PIK3CD: variants seen among roughly 807,000 people sequenced by gnomAD.
PIK3CD encodes the protein phosphatidylinositol-4,5-bisphosphate 3-kinase catalytic subunit delta.
Under a neutral mutation model 122.9 loss-of-function variants are expected in PIK3CD, and 20 were observed. That is an observed-to-expected ratio of 0.16 (90% confidence interval 0.11 to 0.24). The LOEUF is 0.24. Among genes scored for constraint, PIK3CD ranks in the 10% least tolerant of loss-of-function variants. The probability of loss-of-function intolerance (pLI) is 1.00; values close to 1 mark genes in which losing one functional copy is unlikely to be tolerated. For synonymous variants in PIK3CD, 596 were observed against 593.4 expected (o/e 1.00, Z -0.06); for missense variants, 787 against 1,406.3 (o/e 0.56, Z 7.04).
At chr1:9,646,129 C>T in the PIK3CD span, among the ~76,000 whole-genome samples, 1 of 152,026 alleles carries the variant, frequency 6.6e-6, no homozygotes, top group South Asian at 2.1e-4. Context: ...GTGAAAGTAG[C>T]AAGGATCTGG....
intron 23 of PIK3CD, 70 bp downstream of exon 23, chr1:9,725,006 G>C: frequency 1.3e-6 from 2 of 1,583,120 alleles, no homozygotes; most frequent in Non-Finnish European, 1.7e-6. Context: ...ATGTGACCTA[G>C]GAGGGCCCTG....
chr1:9,717,461 C>A lies in PIK3CD; in HGVS notation c.931-76C>A. 1 of 1,430,296 alleles carries A rather than the reference C, an allele frequency of 7.0e-7. No individual in the cohort carries two copies. Among genetic ancestry groups the A allele is most frequent in the South Asian group, 1.1e-5 (1 of 87,506 alleles). The allele number at this position is 1,430,296 out of a possible 1,614,324, so 88.6% of individuals were successfully genotyped here. Reference sequence around the variant, plus strand: ...ACCCTCTCACCCGCCCCCAAGTGGTCACGGGCCTCACCATAGGCCAGGGAG... The same window carrying A: ...ACCCTCTCACCCGCCCCCAAGTGGTAACGGGCCTCACCATAGGCCAGGGAG... On this transcript the variant is annotated intron_variant, in intron 7 of 23. Transcript: ENST00000377346. This position sits in a 1 kb window ranked among gnomAD's most constrained non-coding sequence, Gnocchi z 5.4.
At chr1:9,665,075 G>A (rs1645117551) in intron 1 of PIK3CD, among the ~76,000 whole-genome samples, 1 of 151,724 alleles carries the variant, frequency 6.6e-6, no homozygotes, top group Admixed American at 6.6e-5. Flanking sequence ...GTGGTGGTGT[G>A]CACCTGTGAT....
At chr1:9,690,971 G>A (rs979622431) in intron 1 of PIK3CD, among the ~76,000 whole-genome samples, 1 of 152,150 alleles carries the variant, frequency 6.6e-6, no homozygotes, top group Non-Finnish European at 1.5e-5. Flanking sequence ...GATGCAAGGA[G>A]TGGGCGGCCC....
chr1:9,716,390 A>T (rs770812482), intron 5 of PIK3CD, 50 bp from the exon 6 acceptor site: 1 of 1,589,576 alleles, frequency 6.3e-7, no homozygotes, highest in African/African-American at 1.3e-5. Flanking sequence ...TGTGCCCCAG[A>T]ACCCCGGGGG....
chr1:9,721,406 C>T (rs562247066), intron 14 of PIK3CD, 38 bp from the exon 15 acceptor site: 170 of 1,611,506 alleles, frequency 1.1e-4, no homozygotes, highest in Non-Finnish European at 1.3e-4. Context: ...TGTCCTGAGT[C>T]GGGGAGCTCC....
At chr1:9,703,006 C>A (rs1390828205) in intron 2 of PIK3CD, among the ~76,000 whole-genome samples, 1 of 152,158 alleles carries the variant, frequency 6.6e-6, no homozygotes, top group East Asian at 1.9e-4. Flanking sequence ...ATGGCTGGAT[C>A]CAGGGAATCA....
At chr1:9,699,247 G>A (rs907454612) in intron 2 of PIK3CD, among the ~76,000 whole-genome samples, 17 of 152,150 alleles carry the variant, frequency 1.1e-4, no homozygotes, top group African/African-American at 3.9e-4. Flanking sequence ...GCTGGGATGA[G>A]TTCGGGCATT....
At chr1:9,638,006 C>CA in the PIK3CD span, among the ~76,000 whole-genome samples, 4 of 152,020 alleles carry the variant, frequency 2.6e-5, no homozygotes, top group Admixed American at 2.6e-4. Flanking sequence ...ACTCGGGAGG[C>CA]AGAGGCAGGA....
At chr1:9,628,662 AGGTGGCCCAGAGTT>A in the PIK3CD span, among the ~76,000 whole-genome samples, 1 of 152,076 alleles carries the variant, frequency 6.6e-6, no homozygotes. Flanking sequence ...CCTCACACGG[AGGTGGCCCAGAGTT>A]GGTGGCCCTG....
At chr1:9,654,255 T>C in intron 1 of PIK3CD, 19 of 1,367,748 alleles carry the variant, frequency 1.4e-5, no homozygotes, top group Non-Finnish European at 1.9e-5. Flanking sequence ...CACGCAGATG[T>C]CCCCTTCTGG....
rs2100413428 is a variant in PIK3CD, at chr1:9,689,236, A to G, written c.-137-2231A>G. ...GTAAGGTGAAACCTAGGCCAGAGCC[A>G]GCGTGCGCGCGCCGTCGGGGTCCCG... On this transcript the variant is annotated intron_variant, in intron 1 of 23. Transcript: ENST00000377346. The surrounding 1 kb of genome is among the most constrained non-coding windows in gnomAD (Gnocchi z 6.1). Among the ~76,000 whole-genome samples the G allele has an allele frequency of 6.6e-6, 1 of 152,320 alleles. No homozygotes were observed. Among genetic ancestry groups the G allele is most frequent in the South Asian group, 2.1e-4 (1 of 4,832 alleles).
rs184227943 is a variant in PIK3CD, at chr1:9,726,488, G to A, written c.2998-421G>A. ...CATGCCCCTGCACTCCAGCCTGGGC[G>A]ACAGAGTGAGACTGTCTCAAAAAAA... On this transcript the variant is annotated intron_variant, in intron 23 of 23. Coordinates refer to ENST00000377346, the MANE Select transcript of PIK3CD (RefSeq NM_005026.5). Among the ~76,000 whole-genome samples the A allele has an allele frequency of 5.9e-5, 9 of 152,300 alleles. No individual in the cohort carries two copies. The East Asian group carries it at 1.4e-3, about 23-fold the overall frequency.
At chr1:9,666,911 G>C (rs1645177979) in intron 1 of PIK3CD, among the ~76,000 whole-genome samples, 1 of 151,530 alleles carries the variant, frequency 6.6e-6, no homozygotes, top group Non-Finnish European at 1.5e-5. Flanking sequence ...TGTTGCCCTG[G>C]CTGGAGTGCA....
At chr1:9,639,928 G>C in the PIK3CD span, among the ~76,000 whole-genome samples, 1 of 151,830 alleles carries the variant, frequency 6.6e-6, no homozygotes, top group Admixed American at 6.6e-5. Flanking sequence ...TTTTAGTGGA[G>C]ACGAGGGCTC....
At chr1:9,656,942 CAA>C (rs56008596) in intron 1 of PIK3CD, among the ~76,000 whole-genome samples, 1,862 of 114,972 alleles carry the variant, frequency 0.016, 20 homozygotes, top group African/African-American at 0.043. Context: ...GACTCCATCT[CAA>C]AAAAAAAAAA....
the PIK3CD span, among the ~76,000 whole-genome samples, chr1:9,638,888 G>A: frequency 2.7e-5 from 4 of 148,810 alleles, no homozygotes; most frequent in East Asian, 4.1e-4. Context: ...TGATCCTCCC[G>A]CCTCAGCCTC....
At chr1:9,646,229 G>C in the PIK3CD span, among the ~76,000 whole-genome samples, 1 of 152,274 alleles carries the variant, frequency 6.6e-6, no homozygotes, top group East Asian at 1.9e-4. Flanking sequence ...TCCGTAAATT[G>C]GGGATAAGAT....
intron 1 of PIK3CD, among the ~76,000 whole-genome samples, chr1:9,664,550 G>T (rs1645103842): frequency 6.6e-6 from 1 of 152,196 alleles, no homozygotes; most frequent in Non-Finnish European, 1.5e-5. Flanking sequence ...AAAACAGCAT[G>T]CAATTCGACC....
Sources: allele counts gnomAD v4.1 joint callset (sites outside exome capture counted in the v4.1 genomes callset), GRCh38; gene constraint gnomAD v4.1.1; non-coding constraint Gnocchi (gnomAD v3.1); transcripts MANE v1.5; gene names NCBI Gene and HGNC (gene_info 2026-07-23, HGNC 2026-07-21).